Variants in SEMA3C observed in about 807,000 individuals in gnomAD.
The protein encoded by SEMA3C is semaphorin 3C.
Under a neutral mutation model 89.4 loss-of-function variants are expected in SEMA3C, and 47 were observed. That is an observed-to-expected ratio of 0.53 (90% CI 0.42 to 0.67). The LOEUF (loss-of-function observed/expected upper bound fraction) is 0.67, where lower values mean the gene tolerates loss of function less well. SEMA3C is among the 30% of genes least tolerant of loss of function. SEMA3C has a pLI of 0.00. For synonymous variants in SEMA3C, 310 were observed against 320.2 expected (o/e 0.97, Z 0.34); for missense variants, 839 against 929.1 (o/e 0.90, Z 1.26).
chr7:80,759,757 GA>G (rs1315919410), intron 14 of SEMA3C, among the ~76,000 whole-genome samples: 1 of 152,138 alleles, frequency 6.6e-6, no homozygotes, highest in Non-Finnish European at 1.5e-5. Context: ...TGACTTTTCA[GA>G]AATTGTGCTG....
rs1788886267 is a variant in SEMA3C, at chr7:80,789,525, G to C, written c.1135C>G (p.Pro379Ala). The change falls in exon 12 of 18, where the codon CCA (proline) becomes GCA (alanine). Residue 379 changes from proline (P) to alanine (A), a missense_variant. Physicochemically the swap from Pro to Ala is conservative, Grantham distance 27 (BLOSUM62 -1). Transcript: ENST00000265361. ...ATATTGGGTGTAAATGCTCCTCCTG[G>C]ACACTAGAAAGAAAGTTTTAAAGAA... is the stretch of plus-strand genomic sequence containing the variant. ...RIPYPRPGTC[P>A]GGAFTPNMRT... 6.3e-7 allele frequency: 1 copy of C among 1,590,762 alleles called. No individual in the cohort carries two copies. Among genetic ancestry groups the C allele is most frequent in the Non-Finnish European group, 8.5e-7 (1 of 1,170,006 alleles).
chr7:80,916,556 C>A, intron 2 of SEMA3C, 123 bp downstream of exon 2: 3 of 804,204 alleles, frequency 3.7e-6, no homozygotes, highest in South Asian at 2.6e-5. Context: ...CAAAACGCAG[C>A]CCAGTAAATA....
chr7:80,814,091 C>CT (rs543351408), intron 5 of SEMA3C, among the ~76,000 whole-genome samples: 36,253 of 126,142 alleles, frequency 0.29, 4,878 homozygotes, highest in Non-Finnish European at 0.33. Flanking sequence ...TTTCTTTTTT[C>CT]TTTTTTTTTT....
chr7:80,917,429 A>G (rs7793555), intron 1 of SEMA3C, among the ~76,000 whole-genome samples: 106,687 of 152,078 alleles, frequency 0.7, 37,652 homozygotes, highest in South Asian at 0.8. Flanking sequence ...ATGCAGTTGA[A>G]GTAACCATGG....
intron 12 of SEMA3C, among the ~76,000 whole-genome samples, chr7:80,782,546 A>T (rs1343331588): frequency 6.6e-6 from 1 of 152,250 alleles, no homozygotes; most frequent in African/African-American, 2.4e-5. Flanking sequence ...ATGAGGTAAA[A>T]ATGTGAAGAG....
At chr7:80,787,123 G>C (rs1788821530) in intron 12 of SEMA3C, among the ~76,000 whole-genome samples, 1 of 152,170 alleles carries the variant, frequency 6.6e-6, no homozygotes, top group African/African-American at 2.4e-5. Flanking sequence ...GCCAGGCACA[G>C]AGGTTCATGC....
rs7455426 is a variant in SEMA3C, at chr7:80,754,966, T to G, written c.1643+3365A>C. Among the ~76,000 whole-genome samples, 2,376 of 139,064 alleles carry G rather than the reference T, an allele frequency of 0.017. 205 individuals carry two copies. The East Asian group carries it at 0.24, about 14-fold the overall frequency. The allele number at this position is 139,064 out of a possible 152,430, so 91.2% of individuals were successfully genotyped here. A position where few individuals can be genotyped will look rare whatever the true frequency, so the allele number is the denominator to read the frequency against. ...CGAATTGTTTTTTTTTGTTTTTTTT[T>G]TTTTTGTATTTTTAGTAGAGATGGG... On this transcript the variant is annotated intron_variant, in intron 15 of 17. Coordinates refer to ENST00000265361, the MANE Select transcript of SEMA3C (RefSeq NM_006379.5).
chr7:80,898,824 C>CA (rs34542451), intron 2 of SEMA3C, among the ~76,000 whole-genome samples: 4,530 of 109,492 alleles, frequency 0.041, 125 homozygotes, highest in Admixed American at 0.11. Context: ...TTTGTTTGAC[C>CA]AAAAAAAAAA....
chr7:80,817,261 C>T (rs1394836517), intron 5 of SEMA3C, among the ~76,000 whole-genome samples: 1 of 151,672 alleles, frequency 6.6e-6, no homozygotes, highest in Non-Finnish European at 1.5e-5. Flanking sequence ...TGAAAAACAA[C>T]TTAAAAAAAC....
At chr7:80,773,484 A>T (rs528969898) in intron 12 of SEMA3C, among the ~76,000 whole-genome samples, 11 of 152,202 alleles carry the variant, frequency 7.2e-5, no homozygotes, top group Admixed American at 2.0e-4. Flanking sequence ...ACTTTCCTGC[A>T]GCAAGCAAAT....
chr7:80,850,797 C>T (rs979889039), intron 2 of SEMA3C, among the ~76,000 whole-genome samples: 7 of 152,126 alleles, frequency 4.6e-5, no homozygotes, highest in African/African-American at 7.2e-5. Context: ...AGTATTAAAT[C>T]GATGCATGCA....
At chr7:80,889,189 T>C (rs1791553498) in intron 2 of SEMA3C, among the ~76,000 whole-genome samples, 1 of 152,222 alleles carries the variant, frequency 6.6e-6, no homozygotes, top group African/African-American at 2.4e-5. Flanking sequence ...ATTACAAATA[T>C]GAATGTCTTT....
chr7:80,747,025 C>T (rs78210285), intron 17 of SEMA3C, among the ~76,000 whole-genome samples: 5 of 151,966 alleles, frequency 3.3e-5, no homozygotes, highest in South Asian at 4.1e-4. Context: ...GAGTGAGAAG[C>T]ATGTTTTCTT....
chr7:80,902,536 G>C lies in SEMA3C; in HGVS notation c.103+14143C>G, dbSNP rs559128579. Among the ~76,000 whole-genome samples, 17 of 152,250 alleles carry C rather than the reference G, an allele frequency of 1.1e-4. No homozygotes were observed. In the South Asian group the frequency reaches 3.3e-3, roughly 30 times the overall value. ...AAAGAAAAATTATGTTCCGGAAAAAGCACAAATATTAAATTGATCACATAA... is the reference window on the plus strand; with the variant it reads ...AAAGAAAAATTATGTTCCGGAAAAACCACAAATATTAAATTGATCACATAA... On this transcript the variant is annotated intron_variant, in intron 2 of 17. Transcript: ENST00000265361.
chr7:80,777,720 C>T (rs1370882429), intron 12 of SEMA3C, among the ~76,000 whole-genome samples: 2 of 152,210 alleles, frequency 1.3e-5, no homozygotes, highest in Non-Finnish European at 2.9e-5. Context: ...GGTGCACACA[C>T]ATGCTTGCAT....
chr7:80,778,251 T>G (rs2117087056), intron 12 of SEMA3C, among the ~76,000 whole-genome samples: 1 of 152,358 alleles, frequency 6.6e-6, no homozygotes, highest in South Asian at 2.1e-4. Flanking sequence ...TTCCTGTTTC[T>G]TTACATTAAG....
chr7:80,762,362 TA>T (rs1179373665), intron 13 of SEMA3C, among the ~76,000 whole-genome samples: 1 of 152,190 alleles, frequency 6.6e-6, no homozygotes, highest in African/African-American at 2.4e-5. Context: ...CCATACTAGT[TA>T]ATACTCATTG....
intron 2 of SEMA3C, among the ~76,000 whole-genome samples, chr7:80,908,431 T>C (rs753284068): frequency 6.6e-6 from 1 of 152,186 alleles, no homozygotes; most frequent in Non-Finnish European, 1.5e-5. Context: ...TTTGGAAAAC[T>C]GAAGCACATA....
At chr7:80,870,359 C>T (rs893014294) in intron 2 of SEMA3C, among the ~76,000 whole-genome samples, 34 of 152,296 alleles carry the variant, frequency 2.2e-4, no homozygotes, top group Admixed American at 5.9e-4. Flanking sequence ...ATATTCAGCA[C>T]ATCCATTTGT....
Sources: gnomAD v4.1 joint callset for allele counts (sites outside exome capture counted in the v4.1 genomes callset) on GRCh38, gnomAD v4.1.1 for gene constraint, MANE v1.5 for transcripts, NCBI Gene and HGNC (gene_info 2026-07-23, HGNC 2026-07-21) for gene names.